The following SUMO2 variants were observed in gnomAD, a reference collection of about 807,000 sequenced individuals.
SUMO2 encodes the protein small ubiquitin like modifier 2.
SUMO2 carries 1 observed loss-of-function variant against 16.0 expected under a neutral mutation model. The ratio of observed to expected loss-of-function variants is 0.06; its 90% confidence interval spans 0.02 to 0.30. The LOEUF (loss-of-function observed/expected upper bound fraction) is 0.30, where lower values mean the gene tolerates loss of function less well. Among genes scored for constraint, SUMO2 ranks in the 10% least tolerant of loss-of-function variants. SUMO2 has a pLI of 1.00. For missense variants in SUMO2, 16 were observed against 117.5 expected, an observed-to-expected ratio of 0.14 and a Z score of 3.99; for synonymous variants, 36 against 40.6, an observed-to-expected ratio of 0.89 and a Z score of 0.43.
At chr17:75,182,785 C>G in intron 1 of SUMO2, 29 bp downstream of exon 1, 1 of 1,339,040 alleles carries the variant, frequency 7.5e-7, no homozygotes, top group Non-Finnish European at 9.6e-7. Context: ...CACCGCGCGG[C>G]GAGGCGAAGG....
intron 1 of SUMO2, 27 bp from the exon 2 acceptor site, chr17:75,181,215 T>C (rs769180409): frequency 9.3e-6 from 15 of 1,609,524 alleles, no homozygotes; most frequent in Admixed American, 3.4e-5. Context: ...AAAAGTATAA[T>C]TTGGGAAATG....
intron 3 of SUMO2, among the ~76,000 whole-genome samples, chr17:75,170,806 C>G (rs542806556): frequency 4.0e-5 from 6 of 148,774 alleles, no homozygotes; most frequent in Admixed American, 1.3e-4. Context: ...GCTGAGATCA[C>G]GCCACTGCAC....
chr17:75,182,597 G>A, intron 1 of SUMO2: 2 of 321,710 alleles, frequency 6.2e-6, no homozygotes, highest in Non-Finnish European at 1.1e-5. Flanking sequence ...CTCGGAGGCC[G>A]CCGGGGGCGG....
At chr17:75,182,754 C>T (rs1021200462) in intron 1 of SUMO2, 60 bp downstream of exon 1, 22 of 1,267,890 alleles carry the variant, frequency 1.7e-5, no homozygotes, top group Non-Finnish European at 2.1e-5. Context: ...CTGGCCGGAC[C>T]CCGGCCCGCG....
rs1222550156 is a variant in SUMO2 at position 75,176,909 on chromosome 17, T to C, written c.154-2086A>G. On this transcript the variant is annotated intron_variant, in intron 2 of 3. Coordinates refer to ENST00000420826, the MANE Select transcript of SUMO2 (RefSeq NM_006937.4). Reference sequence around the variant, plus strand: ...CATCTACTTAAAAACAAAGGCCAAGTATTGTGGCTCACGCCTGTAATCCTA... The same window carrying C: ...CATCTACTTAAAAACAAAGGCCAAGCATTGTGGCTCACGCCTGTAATCCTA... Among the ~76,000 whole-genome samples, 8 of 152,062 alleles carry C rather than the reference T, an allele frequency of 5.3e-5. No individual in the cohort carries two copies. The East Asian group carries it at 1.5e-3, about 29-fold the overall frequency.
At position 75,170,041 on chromosome 17, in the gene SUMO2, C is replaced by T. The variant is rs184326963; in HGVS notation, c.226-1640G>A. 6.0e-5 allele frequency among the ~76,000 whole-genome samples: 9 copies of T among 149,742 alleles called. No individual in the cohort carries two copies. The East Asian group carries it at 1.8e-3, about 30-fold the overall frequency. On this transcript the variant is annotated intron_variant, in intron 3 of 3. Transcript: ENST00000420826. Reference sequence around the variant, plus strand: ...AAAATTAGCTGGGCGTGGTGGCGCACGCCTGCACGCCTGTAATCCCAGCTA... The same window carrying T: ...AAAATTAGCTGGGCGTGGTGGCGCATGCCTGCACGCCTGTAATCCCAGCTA...
intron 3 of SUMO2, among the ~76,000 whole-genome samples, chr17:75,170,228 A>G (rs2074726389): frequency 6.6e-6 from 1 of 152,198 alleles, no homozygotes. Flanking sequence ...TGATATGTTT[A>G]AAGAATCTCG....
intron 2 of SUMO2, among the ~76,000 whole-genome samples, chr17:75,179,205 G>C (rs2074807522): frequency 6.6e-6 from 1 of 152,062 alleles, no homozygotes; most frequent in South Asian, 2.1e-4. Flanking sequence ...TTCATGTAGG[G>C]TGATTTCAGC....
At chr17:75,168,663 C>T (rs539710419) in intron 3 of SUMO2, among the ~76,000 whole-genome samples, 3 of 151,856 alleles carry the variant, frequency 2.0e-5, no homozygotes, top group African/African-American at 4.8e-5. Flanking sequence ...ACTGCAGTGG[C>T]GTGATCTCAG....
At chr17:75,170,231 G>C (rs1457997848) in intron 3 of SUMO2, among the ~76,000 whole-genome samples, 2 of 152,202 alleles carry the variant, frequency 1.3e-5, no homozygotes, top group Non-Finnish European at 2.9e-5. Context: ...TATGTTTAAA[G>C]AATCTCGCTG....
At chr17:75,173,723 CA>C (rs1485175728) in intron 3 of SUMO2, among the ~76,000 whole-genome samples, 1 of 152,140 alleles carries the variant, frequency 6.6e-6, no homozygotes, top group African/African-American at 2.4e-5. Context: ...GTGCTCCGCC[CA>C]CCTTGGCGTC....
chr17:75,168,533 T>C, intron 3 of SUMO2, 132 bp from the exon 4 acceptor site: 1 of 700,784 alleles, frequency 1.4e-6, no homozygotes, highest in Non-Finnish European at 2.3e-6. Flanking sequence ...AGATGTCTCA[T>C]AGCTTAATGT....
intron 3 of SUMO2, among the ~76,000 whole-genome samples, 166 bp downstream of exon 3, chr17:75,174,586 C>T (rs2074767297): frequency 6.6e-6 from 1 of 152,178 alleles, no homozygotes; most frequent in African/African-American, 2.4e-5. Context: ...ATTGGCATTT[C>T]CTGAGCCTAT....
chr17:75,180,419 A>AC (rs2074819872), intron 2 of SUMO2, among the ~76,000 whole-genome samples: 1 of 144,116 alleles, frequency 6.9e-6, no homozygotes, highest in Non-Finnish European at 1.5e-5. Context: ...AAAAAAAAAA[A>AC]AACGACTTCT....
At chr17:75,171,869 CATCT>C (rs1475266349) in intron 3 of SUMO2, among the ~76,000 whole-genome samples, 1 of 152,070 alleles carries the variant, frequency 6.6e-6, no homozygotes, top group Non-Finnish European at 1.5e-5. Flanking sequence ...ACAAGCCTGT[CATCT>C]ATCTACTAAA....
chr17:75,172,636 C>G (rs2145218941), intron 3 of SUMO2, among the ~76,000 whole-genome samples: 1 of 151,840 alleles, frequency 6.6e-6, no homozygotes, highest in East Asian at 1.9e-4. Context: ...CCACCACACC[C>G]AGCTAATTTT....
intron 1 of SUMO2, among the ~76,000 whole-genome samples, chr17:75,182,034 C>T (rs1046146635): frequency 4.6e-5 from 7 of 152,120 alleles, no homozygotes; most frequent in Middle Eastern, 6.8e-3. Context: ...GATGGGTGTC[C>T]CCAAGTCCTC....
intron 2 of SUMO2, among the ~76,000 whole-genome samples, chr17:75,176,988 G>A (rs921190967): frequency 1.1e-4 from 16 of 151,962 alleles, no homozygotes; most frequent in Non-Finnish European, 2.1e-4. Flanking sequence ...TTCGAGACCA[G>A]CCTGTCCAAC....
In SUMO2 at chr17:75,166,042, AAAAAC is replaced by A. The variant is rs2145212207; in HGVS notation, c.*2292_*2296del. Reference sequence around the variant, plus strand: ...CTCCGTCTGAAAAAAAAACAAAAACAAAAACAAAAACTGTAGTGGTTGGGCATGGG... The same window carrying A: ...CTCCGTCTGAAAAAAAAACAAAAACAAAAAACTGTAGTGGTTGGGCATGGG... On this transcript the variant is annotated 3_prime_UTR_variant, in exon 4 of 4. Transcript: ENST00000420826. 6.5e-6 allele frequency: 1 copy of A among 152,914 alleles called. No individual in the cohort carries two copies. Among genetic ancestry groups the A allele is most frequent in the South Asian group, 2.1e-4 (1 of 4,836 alleles). 9.5% of individuals were successfully genotyped at this position (152,914 alleles called of 1,614,324 possible).
Sources: gnomAD v4.1 joint callset for allele counts (sites outside exome capture counted in the v4.1 genomes callset) on GRCh38, gnomAD v4.1.1 for gene constraint, MANE v1.5 for transcripts, NCBI Gene and HGNC (gene_info 2026-07-23, HGNC 2026-07-21) for gene names.